MITF: variants seen among roughly 807,000 people sequenced by gnomAD.
The protein encoded by MITF is microphthalmia-associated transcription factor.
In MITF, 17 loss-of-function variants were observed where a neutral mutation model predicts 60.5. That is an observed-to-expected ratio of 0.28 (90% CI 0.19 to 0.42). MITF has a LOEUF of 0.42. MITF is among the 10% of genes least tolerant of loss of function. The pLI is 1.00. For synonymous variants in MITF, 260 were observed against 248.5 expected, an observed-to-expected ratio of 1.05 and a Z score of -0.43; for missense variants, 622 against 683.5, an observed-to-expected ratio of 0.91 and a Z score of 1.00.
chr3:69,763,800 T>C (rs1158680602), intron 1 of MITF: 1 of 1,363,718 alleles, frequency 7.3e-7, no homozygotes, highest in Non-Finnish European at 9.8e-7. Flanking sequence ...TTGGCATTAA[T>C]CTTGGGAATT....
intron 2 of MITF, among the ~76,000 whole-genome samples, chr3:69,914,426 C>T (rs146276221): frequency 6.6e-6 from 1 of 152,106 alleles, no homozygotes; most frequent in African/African-American, 2.4e-5. Flanking sequence ...CCAGCCTGAA[C>T]AACTCTGTTT....
intron 1 of MITF, among the ~76,000 whole-genome samples, chr3:69,785,360 T>C (rs142400107): frequency 1.3e-5 from 2 of 152,300 alleles, no homozygotes; most frequent in Non-Finnish European, 2.9e-5. Context: ...GCTCAGTACC[T>C]TCTGTGCACT....
chr3:69,835,124 C>T (rs1270940231), intron 1 of MITF, among the ~76,000 whole-genome samples: 1 of 142,734 alleles, frequency 7.0e-6, no homozygotes, highest in Admixed American at 7.4e-5. Context: ...CTCAAGCCAT[C>T]ATCCCATTTC....
chr3:69,835,002 C>A (rs2063517902), intron 1 of MITF, among the ~76,000 whole-genome samples: 1 of 134,378 alleles, frequency 7.4e-6, no homozygotes, highest in South Asian at 2.3e-4. Context: ...GTCTATTAAG[C>A]TTGCTCTTTT....
At chr3:69,808,631 C>G (rs1204366492) in intron 1 of MITF, among the ~76,000 whole-genome samples, 2 of 151,834 alleles carry the variant, frequency 1.3e-5, no homozygotes, top group Admixed American at 1.3e-4. Context: ...ACGGTGTGAC[C>G]AAGGAATTGC....
At chr3:69,816,539 G>A (rs1489146033) in intron 1 of MITF, among the ~76,000 whole-genome samples, 1 of 152,164 alleles carries the variant, frequency 6.6e-6, no homozygotes, top group East Asian at 1.9e-4. Flanking sequence ...TGCTTTTCAT[G>A]GCTGAAGTGT....
chr3:69,830,178 T>A (rs189943139), intron 1 of MITF, among the ~76,000 whole-genome samples: 1 of 152,252 alleles, frequency 6.6e-6, no homozygotes, highest in Non-Finnish European at 1.5e-5. Flanking sequence ...TATCGGTGGT[T>A]CATGACCCTC....
At chr3:69,936,215 G>A (rs1358176957) in intron 2 of MITF, among the ~76,000 whole-genome samples, 3 of 152,148 alleles carry the variant, frequency 2.0e-5, no homozygotes, top group Admixed American at 6.5e-5. Context: ...GTCGGAAGTG[G>A]CAGTTATTCG....
At chr3:69,842,435 T>C (rs1321138225) in intron 1 of MITF, among the ~76,000 whole-genome samples, 3 of 152,234 alleles carry the variant, frequency 2.0e-5, no homozygotes, top group African/African-American at 7.2e-5. Flanking sequence ...ATTTTGCTTG[T>C]AGAAGTGGCT....
intron 1 of MITF, among the ~76,000 whole-genome samples, chr3:69,829,359 T>C (rs776475798): frequency 6.6e-6 from 1 of 152,182 alleles, no homozygotes; most frequent in Non-Finnish European, 1.5e-5. Context: ...CATGGAGTAC[T>C]GTGGCTTGTA....
intron 1 of MITF, among the ~76,000 whole-genome samples, chr3:69,797,751 G>A (rs753012353): frequency 1.3e-5 from 2 of 152,048 alleles, no homozygotes; most frequent in Non-Finnish European, 2.9e-5. Context: ...CACCCATGTT[G>A]GTGGAAATAC....
chr3:69,864,391 T>C (rs912406985), intron 1 of MITF, among the ~76,000 whole-genome samples: 3 of 152,254 alleles, frequency 2.0e-5, no homozygotes, highest in African/African-American at 7.2e-5. Flanking sequence ...GTACCTGGCA[T>C]GTAGAAAGTG....
intron 1 of MITF, among the ~76,000 whole-genome samples, chr3:69,812,628 A>C (rs34818992): frequency 0.32 from 47,948 of 152,060 alleles, 8,989 homozygotes; most frequent in Non-Finnish European, 0.42. Context: ...AGTTTTTCAA[A>C]TATATATTTT....
rs149585955 is a variant in MITF, at chr3:69,952,222, A to G, written c.955+336A>G. ...AATTATAAGTGTTGCTCACACTGGA[A>G]CTTATTAACAAAAGGGGATTAGGGA... is the stretch of plus-strand genomic sequence containing the variant. On this transcript the variant is annotated intron_variant, in intron 7 of 9. Transcript: ENST00000352241. Among the ~76,000 whole-genome samples the G allele has an allele frequency of 1.3e-4, 20 of 152,162 alleles. No individual in the cohort carries two copies. The East Asian group carries it at 3.3e-3, about 25-fold the overall frequency.
chr3:69,956,638 C>T, intron 8 of MITF, 108 bp downstream of exon 8: 2 of 875,428 alleles, frequency 2.3e-6, no homozygotes, highest in South Asian at 2.8e-5. Context: ...GAAGTCTCCC[C>T]TCTCCCTTTG....
chr3:69,815,503 T>C (rs1253590678), intron 1 of MITF, among the ~76,000 whole-genome samples: 2 of 152,238 alleles, frequency 1.3e-5, no homozygotes, highest in Non-Finnish European at 2.9e-5. Flanking sequence ...ATATCTTTTC[T>C]TTCTTGTGAT....
chr3:69,938,078 TTTC>T, intron 3 of MITF, 29 bp downstream of exon 3: 1 of 1,598,714 alleles, frequency 6.3e-7, no homozygotes, highest in Non-Finnish European at 8.6e-7. Flanking sequence ...CCTCTCCTGT[TTTC>T]TTATGCTAAA....
chr3:69,775,383 G>T (rs1370731448), intron 1 of MITF, among the ~76,000 whole-genome samples: 1 of 152,114 alleles, frequency 6.6e-6, no homozygotes, highest in African/African-American at 2.4e-5. Context: ...CTCAGCTGAG[G>T]GTAACAACTG....
chr3:69,753,436 C>G (rs1018412300), intron 1 of MITF, among the ~76,000 whole-genome samples: 1 of 152,238 alleles, frequency 6.6e-6, no homozygotes, highest in African/African-American at 2.4e-5. Context: ...AGCCCCTACA[C>G]AGAGTCCCCA....
Sources: gnomAD v4.1 joint callset for allele counts (sites outside exome capture counted in the v4.1 genomes callset) on GRCh38, gnomAD v4.1.1 for gene constraint, MANE v1.5 for transcripts, NCBI Gene and HGNC (gene_info 2026-07-23, HGNC 2026-07-21) for gene names.